ZNF723: variants seen among roughly 807,000 people sequenced by gnomAD.
ZNF723 encodes zinc finger protein 723.
A neutral mutation model predicts 9.4 loss-of-function variants in ZNF723; 5 were observed. The observed-to-expected ratio is 0.53, with a 90% CI of 0.28 to 1.12. The LOEUF is 1.12. Among genes scored for constraint, ZNF723 ranks in the 50% most tolerant of loss-of-function variants. The pLI is 0.10. For synonymous variants in ZNF723, 158 were observed against 168.8 expected, an observed-to-expected ratio of 0.94 and a Z score of 0.49; for missense variants, 450 against 501.5, an observed-to-expected ratio of 0.90 and a Z score of 0.98.
chr19:22,840,567 T>C (rs1251782621), intron 1 of ZNF723: 2 of 152,216 alleles, frequency 1.3e-5, no homozygotes, highest in African/African-American at 4.8e-5. Context: ...GAATATTTTC[T>C]GGTGGACTTG....
chr19:22,849,517 T>TCC (rs1967363518), intron 3 of ZNF723, among the ~76,000 whole-genome samples: 2 of 152,208 alleles, frequency 1.3e-5, no homozygotes, highest in African/African-American at 4.8e-5. Flanking sequence ...TCCTTGAAGT[T>TCC]TACAGTGACA....
chr19:22,847,725 T>G (rs913491519), intron 1 of ZNF723, among the ~76,000 whole-genome samples: 1 of 152,192 alleles, frequency 6.6e-6, no homozygotes, highest in African/African-American at 2.4e-5. Context: ...CAGAAAAGTA[T>G]CATATATACA....
chr19:22,846,886 G>T (rs1967318764), intron 1 of ZNF723, among the ~76,000 whole-genome samples: 1 of 119,602 alleles, frequency 8.4e-6, no homozygotes, highest in Non-Finnish European at 1.6e-5. Context: ...TTACAGGCAT[G>T]AGCCACTACC....
At chr19:22,840,778 G>A (rs1349504110) in intron 1 of ZNF723, 2 of 152,076 alleles carry the variant, frequency 1.3e-5, no homozygotes, top group East Asian at 1.9e-4. Context: ...ATCTCTATCC[G>A]GACTCATGCT....
At chr19:22,829,112 G>T (rs1004095489), upstream of ZNF723, among the ~76,000 whole-genome samples, 1 of 151,980 alleles carries the variant, frequency 6.6e-6, no homozygotes, top group Non-Finnish European at 1.5e-5. Flanking sequence ...GGAGGAGGTT[G>T]CAGTGAGCTG....
chr19:22,857,257 G>A lies in ZNF723; in HGVS notation c.366G>A (p.Glu122=), dbSNP rs1967492014. Residue 122 remains glutamate (E), a synonymous_variant, in exon 4 of 4, where the codon GAG becomes GAA. Transcript: ENST00000600766. ...QLRKGCESVD[E]CKMHKGGYDE... ...GAAAAGGCTGTGAAAGTGTGGATGAGTGTAAGATGCACAAAGGAGGTTATG... is the reference window on the plus strand; with the variant it reads ...GAAAAGGCTGTGAAAGTGTGGATGAATGTAAGATGCACAAAGGAGGTTATG... 2 of 832,882 alleles carry A rather than the reference G, an allele frequency of 2.4e-6. No homozygotes were observed. Among genetic ancestry groups the A allele is most frequent in the African/African-American group, 3.3e-5 (2 of 59,796 alleles). The allele number at this position is 832,882 out of a possible 1,614,324, so 51.6% of individuals were successfully genotyped here.
chr19:22,825,880 C>G, the ZNF723 span, among the ~76,000 whole-genome samples: 1 of 152,242 alleles, frequency 6.6e-6, no homozygotes, highest in Non-Finnish European at 1.5e-5. Flanking sequence ...GTGGACCCAG[C>G]ACCTAGATAA....
chr19:22,843,268 C>G (rs1355550918), intron 1 of ZNF723, among the ~76,000 whole-genome samples: 1 of 152,190 alleles, frequency 6.6e-6, no homozygotes, highest in African/African-American at 2.4e-5. Flanking sequence ...ACTGGGAACT[C>G]TCACAATAAG....
intron 3 of ZNF723, among the ~76,000 whole-genome samples, chr19:22,855,641 A>T (rs8108944): frequency 0.11 from 15,988 of 152,180 alleles, 952 homozygotes; most frequent in Middle Eastern, 0.16. Flanking sequence ...TTACTTTGGA[A>T]GGTTTTTTTA....
chr19:22,845,134 A>G (rs1967292263), intron 1 of ZNF723, among the ~76,000 whole-genome samples: 1 of 152,066 alleles, frequency 6.6e-6, no homozygotes, highest in South Asian at 2.1e-4. Flanking sequence ...CAAAACAAAA[A>G]CACTCATGTA....
At chr19:22,855,952 TTTTG>T (rs1032200445) in intron 3 of ZNF723, among the ~76,000 whole-genome samples, 3 of 152,022 alleles carry the variant, frequency 2.0e-5, no homozygotes, top group Non-Finnish European at 4.4e-5. Flanking sequence ...TTTAGAATTT[TTTTG>T]TTTGTTTGTT....
intron 1 of ZNF723, among the ~76,000 whole-genome samples, chr19:22,842,453 A>G (rs1413527834): frequency 6.6e-6 from 1 of 152,136 alleles, no homozygotes; most frequent in Non-Finnish European, 1.5e-5. Context: ...CATTTCTGTA[A>G]ATATAATAAA....
upstream of ZNF723, among the ~76,000 whole-genome samples, chr19:22,831,965 C>A (rs138383713): frequency 8.3e-4 from 126 of 152,230 alleles, no homozygotes; most frequent in African/African-American, 3.0e-3. Flanking sequence ...AGAACTGAAG[C>A]CAGGAAGGTC....
the ZNF723 span, among the ~76,000 whole-genome samples, chr19:22,825,004 A>C: frequency 6.6e-6 from 1 of 152,314 alleles, no homozygotes; most frequent in Middle Eastern, 3.4e-3. Context: ...TGAGTGGTAC[A>C]TGGAATGTCA....
intron 1 of ZNF723, 33 bp from the exon 2 acceptor site, chr19:22,848,228 A>C (rs1790776589): frequency 1.3e-6 from 1 of 762,620 alleles, no homozygotes; most frequent in Non-Finnish European, 2.1e-6. Context: ...CCCGGTAAAT[A>C]TGTGTGTATG....
the ZNF723 span, among the ~76,000 whole-genome samples, chr19:22,817,790 C>A: frequency 2.1e-4 from 32 of 152,134 alleles, no homozygotes; most frequent in East Asian, 3.3e-3. Flanking sequence ...ATCCTTAGGT[C>A]TCTTCTTTAT....
At chr19:22,834,457 G>A (rs1279552248) in intron 1 of ZNF723, among the ~76,000 whole-genome samples, 1 of 151,690 alleles carries the variant, frequency 6.6e-6, no homozygotes, top group Non-Finnish European at 1.5e-5. Flanking sequence ...AACTTTATGG[G>A]GTTTTGTGTC....
At chr19:22,855,558 A>G (rs62120774) in intron 3 of ZNF723, among the ~76,000 whole-genome samples, 21,631 of 152,202 alleles carry the variant, frequency 0.14, 1,510 homozygotes, top group East Asian at 0.18. Context: ...ATTATTTTCA[A>G]TGGAAGAAAC....
intron 1 of ZNF723, among the ~76,000 whole-genome samples, chr19:22,838,431 A>G (rs1016908217): frequency 3.5e-4 from 53 of 152,164 alleles, no homozygotes; most frequent in African/African-American, 1.2e-3. Context: ...ACACGCCTGT[A>G]ATCCCAGCTA....
Sources: gnomAD v4.1 joint callset for allele counts (sites outside exome capture counted in the v4.1 genomes callset) on GRCh38, gnomAD v4.1.1 for gene constraint, MANE v1.5 for transcripts, NCBI Gene and HGNC (gene_info 2026-07-23, HGNC 2026-07-21) for gene names.